The following KLHL29 variants were observed in gnomAD, a reference collection of about 807,000 sequenced individuals.
The protein encoded by KLHL29 is kelch like family member 29, also known as kelch-like protein 29.
In KLHL29, 21 loss-of-function variants were observed where a neutral mutation model predicts 80.4. The ratio of observed to expected loss-of-function variants is 0.26; its 90% CI spans 0.19 to 0.38. The LOEUF (loss-of-function observed/expected upper bound fraction) is 0.38, where lower values mean the gene tolerates loss of function less well. KLHL29 is among the 10% of genes least tolerant of loss of function. The pLI, the probability that KLHL29 is intolerant of heterozygous loss-of-function variation, is 1.00. For synonymous variants in KLHL29, 511 were observed against 526.8 expected (o/e 0.97, Z 0.41); for missense variants, 867 against 1,223.9 (o/e 0.71, Z 4.35).
At chr2:23,571,954 C>G (rs1326470633) in intron 3 of KLHL29, among the ~76,000 whole-genome samples, 1 of 152,250 alleles carries the variant, frequency 6.6e-6, no homozygotes, top group Non-Finnish European at 1.5e-5. Context: ...CCAGGCATGT[C>G]AGTTTGCTAA....
intron 2 of KLHL29, among the ~76,000 whole-genome samples, chr2:23,549,459 T>TC (rs200680250): frequency 2.0e-5 from 3 of 151,638 alleles, no homozygotes; most frequent in Non-Finnish European, 2.9e-5. Context: ...GGTCTGGGCT[T>TC]CTTTTTTTTT....
intron 2 of KLHL29, among the ~76,000 whole-genome samples, chr2:23,560,263 C>CTTT (rs67065961): frequency 9.6e-5 from 7 of 73,234 alleles, no homozygotes; most frequent in African/African-American, 3.0e-4. Flanking sequence ...ATTGGATAGG[C>CTTT]TTTTTTTTTT....
intron 3 of KLHL29, among the ~76,000 whole-genome samples, chr2:23,614,266 G>A (rs564552): frequency 0.24 from 36,814 of 152,028 alleles, 4,687 homozygotes; most frequent in Middle Eastern, 0.4. Flanking sequence ...CCTGTGCCCT[G>A]ACCACCCTGG....
chr2:23,542,897 G>T (rs767268203), intron 2 of KLHL29, among the ~76,000 whole-genome samples: 3 of 152,190 alleles, frequency 2.0e-5, no homozygotes, highest in Non-Finnish European at 4.4e-5. Context: ...TGTGACCTTG[G>T]GCAAGTCACT....
chr2:23,448,223 A>G (rs944818355), intron 1 of KLHL29, among the ~76,000 whole-genome samples: 5 of 152,120 alleles, frequency 3.3e-5, no homozygotes, highest in African/African-American at 7.2e-5. Context: ...GAGTTTGTCA[A>G]TTGCAGGTGC....
At position 23,483,694 on chromosome 2, in the gene KLHL29, A is replaced by AG. The variant is rs531513573; in HGVS notation, c.-46+8029dup. Among the ~76,000 whole-genome samples the AG allele has an allele frequency of 2.5e-3, 375 of 152,246 alleles. 2 individuals carry two copies. Among genetic ancestry groups the AG allele is most frequent in the Admixed American group, 7.0e-3 (107 of 15,300 alleles). On this transcript the variant is annotated intron_variant, in intron 2 of 13. Transcript: ENST00000486442. Reference sequence around the variant, plus strand: ...TCTCCTGGATCATGAGAGGGACTCTAGGAGGTAGACAAAAAGGGGTTCTTG... The same window carrying AG: ...TCTCCTGGATCATGAGAGGGACTCTAGGGAGGTAGACAAAAAGGGGTTCTTG...
chr2:23,529,784 G>A (rs934236953), intron 2 of KLHL29, among the ~76,000 whole-genome samples: 2 of 152,192 alleles, frequency 1.3e-5, no homozygotes, highest in African/African-American at 4.8e-5. Flanking sequence ...TGGAGGCAGG[G>A]CTGAGCCCGC....
intron 2 of KLHL29, among the ~76,000 whole-genome samples, chr2:23,554,567 C>T (rs951741436): frequency 1.3e-5 from 2 of 152,154 alleles, no homozygotes; most frequent in African/African-American, 4.8e-5. Context: ...ACAGTGTGTA[C>T]ACATGGTGCA....
rs375193569 is a variant in KLHL29, at chr2:23,681,709, AG to A, written c.941-2689del. Reference sequence around the variant, plus strand: ...CCAGGGTCACACACCAATTAGTGGCAGTGCTGGAACAAGAACCAGGATCCAG... The same window carrying A: ...CCAGGGTCACACACCAATTAGTGGCATGCTGGAACAAGAACCAGGATCCAG... On this transcript the variant is annotated intron_variant, in intron 5 of 13. Coordinates refer to ENST00000486442, the MANE Select transcript of KLHL29 (RefSeq NM_052920.2). The surrounding 1 kb of genome is among the most constrained non-coding windows in gnomAD (Gnocchi z 4.2). Among the ~76,000 whole-genome samples, 78 of 152,290 alleles carry A rather than the reference AG, an allele frequency of 5.1e-4. No homozygotes were observed. The highest frequency in any genetic ancestry group is 1.8e-3 in the African/African-American group (75 of 41,566).
intron 1 of KLHL29, among the ~76,000 whole-genome samples, chr2:23,439,828 C>T (rs1470696287): frequency 7.6e-4 from 115 of 152,168 alleles, no homozygotes; most frequent in African/African-American, 1.9e-3. Context: ...CTATTAGGTC[C>T]GCTTGGTGTA....
rs549974445 is a variant in KLHL29, at chr2:23,611,355, G to A, written c.286-27784G>A. ...GGACCAGGATTGGAACCCAGAGTCT[G>A]CCAAGGGGGCCAGTGGGTTCCAGTG... On this transcript the variant is annotated intron_variant, in intron 3 of 13. Transcript: ENST00000486442. 6.6e-5 allele frequency among the ~76,000 whole-genome samples: 10 copies of A among 152,268 alleles called. No homozygotes were observed. In the East Asian group the frequency reaches 1.7e-3, roughly 26 times the overall value.
rs553261172 is a variant in KLHL29 at position 23,450,964 on chromosome 2, G to A, written c.-153-24596G>A. 1.3e-4 allele frequency among the ~76,000 whole-genome samples: 20 copies of A among 152,260 alleles called. No homozygotes were observed. In the South Asian group the frequency reaches 4.2e-3, roughly 32 times the overall value. ...TGTTTTTTTCTTTTTCACTCAAACAGATTTCTGACAGATCCACTTTCTATG... is the reference window on the plus strand; with the variant it reads ...TGTTTTTTTCTTTTTCACTCAAACAAATTTCTGACAGATCCACTTTCTATG... On this transcript the variant is annotated intron_variant, in intron 1 of 13. Transcript: ENST00000486442.
intron 1 of KLHL29, among the ~76,000 whole-genome samples, chr2:23,420,717 G>A (rs931321643): frequency 2.6e-5 from 4 of 152,132 alleles, no homozygotes; most frequent in Admixed American, 6.5e-5. Flanking sequence ...TGTGCTGGCC[G>A]CCTTTGGGTC....
chr2:23,525,333 A>G (rs148814702), intron 2 of KLHL29, among the ~76,000 whole-genome samples: 62 of 152,382 alleles, frequency 4.1e-4, no homozygotes, highest in African/African-American at 1.4e-3. Flanking sequence ...GGTTTGGCCC[A>G]GAGAATTTAT....
intron 2 of KLHL29, among the ~76,000 whole-genome samples, chr2:23,483,019 G>A (rs552856005): frequency 6.6e-6 from 1 of 152,326 alleles, no homozygotes; most frequent in African/African-American, 2.4e-5. Context: ...CAATTCTTAT[G>A]TGGCAAATAT....
chr2:23,587,655 C>T (rs987834545), intron 3 of KLHL29, among the ~76,000 whole-genome samples: 7 of 152,212 alleles, frequency 4.6e-5, no homozygotes, highest in African/African-American at 1.7e-4. Flanking sequence ...TGTTTGCTGG[C>T]AGAATTCTAA....
chr2:23,642,256 C>T, intron 4 of KLHL29, 82 bp from the exon 5 acceptor site: 3 of 1,284,120 alleles, frequency 2.3e-6, no homozygotes, highest in Non-Finnish European at 3.1e-6. Context: ...TGACCTAGCA[C>T]CCAGTGCAGG....
At position 23,619,167 on chromosome 2, in the gene KLHL29, C is replaced by A. The variant is rs190930975; in HGVS notation, c.286-19972C>A. Among the ~76,000 whole-genome samples the A allele has an allele frequency of 9.8e-5, 15 of 152,314 alleles. No individual in the cohort carries two copies. The East Asian group carries it at 2.5e-3, about 25-fold the overall frequency. On this transcript the variant is annotated intron_variant, in intron 3 of 13. Coordinates refer to ENST00000486442, the MANE Select transcript of KLHL29 (RefSeq NM_052920.2). ...CGTGGTGTCCACTCCTTGCTCACCC[C>A]CTGCTAGAAGGTAAAGGAAAGCATA...
At chr2:23,458,901 A>G (rs1269574528) in intron 1 of KLHL29, among the ~76,000 whole-genome samples, 1 of 152,234 alleles carries the variant, frequency 6.6e-6, no homozygotes, top group African/African-American at 2.4e-5. Flanking sequence ...GGTGAAGGCT[A>G]ACGCAGAGGA....
Sources: gnomAD v4.1 joint callset for allele counts (sites outside exome capture counted in the v4.1 genomes callset) on GRCh38, gnomAD v4.1.1 for gene constraint, Gnocchi (gnomAD v3.1) non-coding constraint, MANE v1.5 for transcripts, NCBI Gene and HGNC (gene_info 2026-07-23, HGNC 2026-07-21) for gene names.